The following THRB variants were observed in gnomAD, a reference collection of about 807,000 sequenced individuals.
The protein encoded by THRB is nuclear receptor subfamily 1 group A member 2.
Under a neutral mutation model 47.8 loss-of-function variants are expected in THRB, and 12 were observed. The ratio of observed to expected loss-of-function variants is 0.25; its 90% confidence interval spans 0.16 to 0.41. The LOEUF (loss-of-function observed/expected upper bound fraction) is 0.41. Among genes scored for constraint, THRB ranks in the 10% least tolerant of loss-of-function variants. The probability of loss-of-function intolerance (pLI) is 1.00; values close to 1 mark genes in which losing one functional copy is unlikely to be tolerated. For missense variants in THRB, 348 were observed against 589.2 expected, an observed-to-expected ratio of 0.59 and a Z score of 4.24; for synonymous variants, 218 against 212.2, an observed-to-expected ratio of 1.03 and a Z score of -0.24.
chr3:24,167,961 C>T (rs777438151), intron 5 of THRB, among the ~76,000 whole-genome samples: 12 of 152,018 alleles, frequency 7.9e-5, no homozygotes, highest in Non-Finnish European at 1.0e-4. Flanking sequence ...TTTTACTAAA[C>T]GTCAGAAAGG....
intron 4 of THRB, among the ~76,000 whole-genome samples, chr3:24,206,277 AG>A (rs2045341163): frequency 6.6e-6 from 1 of 152,238 alleles, no homozygotes; most frequent in Non-Finnish European, 1.5e-5. Context: ...CAAATGTAAA[AG>A]AACAGAAATC....
chr3:24,212,756 A>C (rs994747965), intron 4 of THRB, among the ~76,000 whole-genome samples: 3 of 152,056 alleles, frequency 2.0e-5, no homozygotes, highest in African/African-American at 7.2e-5. Context: ...GAGTGCTGAG[A>C]CAGCCTGGGA....
chr3:24,131,324 A>C (rs1430986700), intron 9 of THRB, among the ~76,000 whole-genome samples: 1 of 152,208 alleles, frequency 6.6e-6, no homozygotes, highest in Admixed American at 6.5e-5. Flanking sequence ...CCTTCAATGA[A>C]TACGTATAAT....
At chr3:24,135,255 C>A (rs1331625230) in intron 8 of THRB, among the ~76,000 whole-genome samples, 1 of 152,198 alleles carries the variant, frequency 6.6e-6, no homozygotes, top group African/African-American at 2.4e-5. Context: ...TTCTTTTACT[C>A]TTCTTGGTGC....
intron 1 of THRB, among the ~76,000 whole-genome samples, chr3:24,393,738 C>A (rs1229334129): frequency 6.6e-6 from 1 of 152,106 alleles, no homozygotes; most frequent in Non-Finnish European, 1.5e-5. Flanking sequence ...GGCAGGAAGA[C>A]CCCAAAAGGT....
chr3:24,418,669 A>G (rs2068965340), intron 1 of THRB, among the ~76,000 whole-genome samples: 1 of 151,950 alleles, frequency 6.6e-6, no homozygotes. Context: ...TGTTGTAAAT[A>G]AGTAGGGTGA....
chr3:24,181,689 G>A (rs2041913429), intron 5 of THRB, among the ~76,000 whole-genome samples: 1 of 152,010 alleles, frequency 6.6e-6, no homozygotes, highest in Non-Finnish European at 1.5e-5. Context: ...AAGCTGCACA[G>A]TATTACTTGT....
At chr3:24,336,997 A>G (rs2062305285) in intron 2 of THRB, among the ~76,000 whole-genome samples, 2 of 152,090 alleles carry the variant, frequency 1.3e-5, no homozygotes, top group Non-Finnish European at 2.9e-5. Flanking sequence ...GAAAAGACAC[A>G]TGGGAAAGGA....
At chr3:24,272,381 C>CAA (rs1559791629) in intron 3 of THRB, among the ~76,000 whole-genome samples, 82 of 148,786 alleles carry the variant, frequency 5.5e-4, no homozygotes, top group Middle Eastern at 3.5e-3. Flanking sequence ...CAAACAAAAA[C>CAA]AAACAAACAA....
chr3:24,444,810 C>T (rs2071904519), intron 1 of THRB, among the ~76,000 whole-genome samples: 1 of 152,166 alleles, frequency 6.6e-6, no homozygotes, highest in Non-Finnish European at 1.5e-5. Context: ...GCTTGAACTC[C>T]TGACCTCAAG....
At chr3:24,359,847 G>A (rs1360483039) in intron 1 of THRB, among the ~76,000 whole-genome samples, 4 of 152,128 alleles carry the variant, frequency 2.6e-5, no homozygotes, top group Admixed American at 6.6e-5. Context: ...CAGCTTGCTG[G>A]TGCCTCCACC....
intron 1 of THRB, among the ~76,000 whole-genome samples, chr3:24,345,569 A>T (rs772082080): frequency 3.9e-5 from 6 of 152,140 alleles, no homozygotes; most frequent in Admixed American, 6.6e-5. Flanking sequence ...ATTTATAGAG[A>T]CGTGATGAGG....
chr3:24,281,386 C>T (rs1463740790), intron 3 of THRB, among the ~76,000 whole-genome samples: 1 of 151,790 alleles, frequency 6.6e-6, no homozygotes, highest in African/African-American at 2.4e-5. Flanking sequence ...CAAGCAAATG[C>T]TGAGAGATTT....
intron 1 of THRB, among the ~76,000 whole-genome samples, chr3:24,361,063 A>G (rs79859640): frequency 0.021 from 3,144 of 152,292 alleles, 42 homozygotes; most frequent in African/African-American, 0.038. Context: ...TGATTTTTGA[A>G]GAAGATCCTT....
At chr3:24,157,373 G>T (rs186816201) in intron 5 of THRB, among the ~76,000 whole-genome samples, 1 of 152,052 alleles carries the variant, frequency 6.6e-6, no homozygotes, top group Non-Finnish European at 1.5e-5. Context: ...CCAAGTAGAG[G>T]TGTCAATCTA....
chr3:24,480,146 ACCTCCC>A (rs1229338555), intron 1 of THRB, among the ~76,000 whole-genome samples: 1 of 151,312 alleles, frequency 6.6e-6, no homozygotes, highest in East Asian at 1.9e-4. Flanking sequence ...TACTTTCTTT[ACCTCCC>A]CCCTAAAAAT....
At position 24,233,560 on chromosome 3, in the gene THRB, G is replaced by GAAGGAAGGAAGA. The variant is rs1553658178; in HGVS notation, c.-42-4560_-42-4559insTCTTCCTTCCTT. Among the ~76,000 whole-genome samples, 217 of 77,324 alleles carry GAAGGAAGGAAGA rather than the reference G, an allele frequency of 2.8e-3. No homozygotes were observed. The Middle Eastern group carries it at 0.047, about 17-fold the overall frequency. 50.7% of individuals were successfully genotyped at this position (77,324 alleles called of 152,430 possible). On this transcript the variant is annotated intron_variant, in intron 3 of 10. Transcript: ENST00000646209. ...GAAAGAAAGAGAAAGAAAGAAAAAG[G>GAAGGAAGGAAGA]AAGAAAGAAAGAAAGAAAGAAAGAA... is the stretch of plus-strand genomic sequence containing the variant.
intron 1 of THRB, among the ~76,000 whole-genome samples, chr3:24,409,925 C>T (rs1577374588): frequency 1.3e-5 from 2 of 151,826 alleles, no homozygotes. Context: ...TATTGCTATT[C>T]ATTCAGATTA....
Position 24,143,556 on chromosome 3 carries a change from G to A in THRB, c.683C>T (p.Ala228Val). 6.2e-7 allele frequency: 1 copy of A among 1,614,204 alleles called. No individual in the cohort carries two copies. The highest frequency in any genetic ancestry group is 8.5e-7 in the Non-Finnish European group (1 of 1,180,032). Residue 228 changes from alanine to valine, a missense_variant, in exon 8 of 11, where the codon GCC becomes GTC. Ala to Val is a moderately conservative substitution (Grantham distance 64). Around this residue, in one of 5 missense-constraint regions of THRB, gnomAD observed 112 missense variants for 212.3 expected, o/e 0.53. Transcript: ENST00000646209. ...GCCTTGGGCGTTGGTCGCCACATGG[G>A]CTTCGGTGACAGTTTTGATGAGCTC... ...EWELIKTVTE[A>V]HVATNAQGSH...
Sources: gnomAD v4.1 joint callset for allele counts (sites outside exome capture counted in the v4.1 genomes callset) on GRCh38, gnomAD v4.1.1 for gene constraint, gnomAD v4.1.1 regional missense constraint, MANE v1.5 for transcripts, NCBI Gene and HGNC (gene_info 2026-07-23, HGNC 2026-07-21) for gene names.